PCDHAC1: variants seen among roughly 807,000 people sequenced by gnomAD.
PCDHAC1 encodes protocadherin alpha-C1.
Under a neutral mutation model 60.0 loss-of-function variants are expected in PCDHAC1, and 42 were observed. That is an observed-to-expected ratio of 0.70 (90% CI 0.55 to 0.90). PCDHAC1 has a LOEUF of 0.90. Ranked by LOEUF, PCDHAC1 falls within the 40% of genes least tolerant of loss-of-function variation. The pLI is 0.00. For missense variants in PCDHAC1, 1,160 were observed against 1,222.3 expected (o/e 0.95, Z 0.76); for synonymous variants, 468 against 499.3 (o/e 0.94, Z 0.84).
chr5:140,987,407 T>C (rs1301920693), intron 3 of PCDHAC1, among the ~76,000 whole-genome samples: 3 of 152,148 alleles, frequency 2.0e-5, no homozygotes, highest in Non-Finnish European at 4.4e-5. Flanking sequence ...CATCTGTTTA[T>C]GGTTCTTGTG....
intron 1 of PCDHAC1, among the ~76,000 whole-genome samples, chr5:140,939,502 T>A (rs781895675): frequency 2.7e-5 from 4 of 150,818 alleles, no homozygotes; most frequent in Non-Finnish European, 5.9e-5. Flanking sequence ...AAATTCAATG[T>A]CTATAACATT....
chr5:140,959,085 G>A (rs1286885776), intron 1 of PCDHAC1, among the ~76,000 whole-genome samples: 8 of 151,980 alleles, frequency 5.3e-5, no homozygotes, highest in African/African-American at 1.9e-4. Flanking sequence ...ATTATCCTTG[G>A]TTTCGGACAT....
At chr5:140,941,185 CTTTT>C (rs782102770) in intron 1 of PCDHAC1, among the ~76,000 whole-genome samples, 59 of 102,236 alleles carry the variant, frequency 5.8e-4, no homozygotes, top group South Asian at 3.1e-3. Context: ...CATCCTGCTT[CTTTT>C]TTTTTCTTTC....
At chr5:140,989,410 C>T (rs568177388) in intron 3 of PCDHAC1, among the ~76,000 whole-genome samples, 1 of 152,230 alleles carries the variant, frequency 6.6e-6, no homozygotes, top group South Asian at 2.1e-4. Context: ...GGAGAGTCTG[C>T]ACTTCACTCT....
chr5:140,948,318 A>G (rs1423632599), intron 1 of PCDHAC1, among the ~76,000 whole-genome samples: 1 of 151,520 alleles, frequency 6.6e-6, no homozygotes, highest in Non-Finnish European at 1.5e-5. Flanking sequence ...TTGAGGGGTA[A>G]TGTTTTCATT....
At position 140,926,881 on chromosome 5, in the gene PCDHAC1, C is replaced by G; in HGVS notation, c.-12C>G. 1 of 1,541,960 alleles carries G rather than the reference C, an allele frequency of 6.5e-7. No homozygotes were observed. The highest frequency in any genetic ancestry group is 8.8e-7 in the Non-Finnish European group (1 of 1,142,806). On this transcript the variant is annotated 5_prime_UTR_variant, in exon 1 of 4. Transcript: ENST00000253807. ...GTAGCGTGTTGGTGGAACGTGGACG[C>G]CTAGAGGGAGGATGGTGGGCTGTGG...
intron 1 of PCDHAC1, among the ~76,000 whole-genome samples, chr5:140,943,121 G>A (rs1225385839): frequency 3.3e-5 from 5 of 151,916 alleles, no homozygotes; most frequent in African/African-American, 4.8e-5. Flanking sequence ...AGCCAGGTGT[G>A]GTAGTGGGTG....
intron 3 of PCDHAC1, among the ~76,000 whole-genome samples, chr5:141,005,494 G>A (rs1554260099): frequency 2.0e-5 from 3 of 151,700 alleles, no homozygotes; most frequent in Non-Finnish European, 2.9e-5. Flanking sequence ...ATGAGGTCAG[G>A]AGATCGAGAC....
chr5:141,002,128 C>T (rs1426506599), intron 3 of PCDHAC1, among the ~76,000 whole-genome samples: 1 of 152,244 alleles, frequency 6.6e-6, no homozygotes, highest in African/African-American at 2.4e-5. Context: ...ATTTAATAGC[C>T]TTTGCCGGCT....
intron 3 of PCDHAC1, among the ~76,000 whole-genome samples, chr5:141,000,414 TA>T (rs1441995674): frequency 2.8e-4 from 28 of 99,544 alleles, no homozygotes; most frequent in African/African-American, 3.7e-4. Flanking sequence ...TATATATATA[TA>T]TATATATTTT....
At chr5:140,969,251 A>T in intron 1 of PCDHAC1, 3 of 1,614,262 alleles carry the variant, frequency 1.9e-6, no homozygotes, top group Non-Finnish European at 2.5e-6. Context: ...AGTGACTGAC[A>T]GCAGGAATCT....
chr5:140,986,714 CATT>C (rs1426352732), intron 3 of PCDHAC1, among the ~76,000 whole-genome samples: 4 of 152,118 alleles, frequency 2.6e-5, no homozygotes, highest in Non-Finnish European at 4.4e-5. Flanking sequence ...CAGAAGATAA[CATT>C]ATAGCTTCTC....
At chr5:140,970,152 A>G (rs899776182) in intron 1 of PCDHAC1, among the ~76,000 whole-genome samples, 22 of 152,224 alleles carry the variant, frequency 1.4e-4, no homozygotes, top group Non-Finnish European at 2.5e-4. Flanking sequence ...AATTCTCCCA[A>G]TAGTCACCTT....
chr5:140,955,234 G>C (rs1373509371), intron 1 of PCDHAC1, among the ~76,000 whole-genome samples: 12 of 152,184 alleles, frequency 7.9e-5, no homozygotes, highest in Middle Eastern at 3.4e-3. Flanking sequence ...TTGTTCTTTT[G>C]CTTAGGATCG....
chr5:140,948,937 T>C (rs1309849094), intron 1 of PCDHAC1, among the ~76,000 whole-genome samples: 1 of 134,978 alleles, frequency 7.4e-6, no homozygotes, highest in African/African-American at 2.6e-5. Context: ...ACATTTCTTC[T>C]AATATAAAAA....
chr5:140,967,119 T>C lies in PCDHAC1; in HGVS notation c.2434-11830T>C, dbSNP rs374670692. 97 of 1,612,790 alleles carry C rather than the reference T, an allele frequency of 6.0e-5. No homozygotes were observed. The highest frequency in any genetic ancestry group is 8.1e-5 in the Non-Finnish European group (95 of 1,179,410). The stretch of plus-strand genomic sequence containing the variant: ...CTGTGTGAGCAGCGGCCTCGCTGCC[T>C]GCTCAGCTTGGAAGTGCTGGCGCAC... On this transcript the variant is annotated intron_variant, in intron 1 of 3. Transcript: ENST00000253807.
chr5:140,949,053 C>T (rs2094339991), intron 1 of PCDHAC1, among the ~76,000 whole-genome samples: 1 of 151,694 alleles, frequency 6.6e-6, no homozygotes, highest in Admixed American at 6.6e-5. Flanking sequence ...TTCTAATTTC[C>T]ATTATGATTT....
In PCDHAC1 at chr5:140,929,077, A is replaced by C; in HGVS notation, c.2185A>C (p.Ser729Arg). The C allele has an allele frequency of 6.2e-7, 1 of 1,614,168 alleles. No individual in the cohort carries two copies. The highest frequency in any genetic ancestry group is 8.5e-7 in the Non-Finnish European group (1 of 1,180,032). ...CRSTEDLRYG[S>R]KMVSNPCMTS... Reference sequence around the variant, plus strand: ...CTCTACAGAGGATCTGAGGTATGGAAGTAAGATGGTTTCAAATCCTTGCAT... The same window carrying C: ...CTCTACAGAGGATCTGAGGTATGGACGTAAGATGGTTTCAAATCCTTGCAT... Residue 729 changes from serine to arginine, a missense_variant, in exon 1 of 4, where the codon AGT becomes CGT. Physicochemically the swap from Ser to Arg is moderately radical, Grantham distance 110 (BLOSUM62 -1). Transcript: ENST00000253807.
chr5:140,972,469 C>G (rs782470724), intron 1 of PCDHAC1, among the ~76,000 whole-genome samples: 6 of 152,054 alleles, frequency 3.9e-5, no homozygotes, highest in Admixed American at 3.9e-4. Context: ...TATTAAACAT[C>G]AGCATTTAAC....
Sources: gnomAD v4.1 joint callset for allele counts (sites outside exome capture counted in the v4.1 genomes callset) on GRCh38, gnomAD v4.1.1 for gene constraint, MANE v1.5 for transcripts, NCBI Gene and HGNC (gene_info 2026-07-23, HGNC 2026-07-21) for gene names.